MED13L: variants seen among roughly 807,000 people sequenced by gnomAD.
The protein encoded by MED13L is mediator complex subunit 13L, also known as mediator of RNA polymerase II transcription subunit 13-like.
Under a neutral mutation model 220.9 loss-of-function variants are expected in MED13L, and 7 were observed. The ratio of observed to expected loss-of-function variants is 0.03; its 90% CI spans 0.02 to 0.06. The LOEUF (loss-of-function observed/expected upper bound fraction) is 0.06, where lower values mean the gene tolerates loss of function less well. MED13L is among the 10% of genes least tolerant of loss of function. MED13L has a pLI of 1.00. For synonymous variants in MED13L, 1,011 were observed against 1,015.2 expected (o/e 1.00, Z 0.08); for missense variants, 1,965 against 2,760.5 (o/e 0.71, Z 6.46).
chr12:116,262,504 G>A (rs35134465), intron 1 of MED13L, among the ~76,000 whole-genome samples: 2,524 of 152,248 alleles, frequency 0.017, 25 homozygotes, highest in Admixed American at 0.027. Context: ...CCTACCATAT[G>A]AGAAAGTTTG....
chr12:116,178,185 T>C (rs932933329), intron 2 of MED13L, among the ~76,000 whole-genome samples: 3 of 152,158 alleles, frequency 2.0e-5, no homozygotes, highest in Non-Finnish European at 2.9e-5. Context: ...CAATTGTTAA[T>C]AGAAGTCACA....
In MED13L at chr12:116,181,486, C is replaced by A. The variant is rs1424404300; in HGVS notation, c.310+55982G>T. Reference sequence around the variant, plus strand: ...CTCTTTACTATCATCTCAATTATTTCTTTAAGGTGAATCAAAGTTTGTTTT... The same window carrying A: ...CTCTTTACTATCATCTCAATTATTTATTTAAGGTGAATCAAAGTTTGTTTT... On this transcript the variant is annotated intron_variant, in intron 2 of 30. Coordinates refer to ENST00000281928, the MANE Select transcript of MED13L (RefSeq NM_015335.5). Among the ~76,000 whole-genome samples, 3 of 152,086 alleles carry A rather than the reference C, an allele frequency of 2.0e-5. No individual in the cohort carries two copies. In the East Asian group the frequency reaches 5.8e-4, roughly 29 times the overall value.
intron 2 of MED13L, among the ~76,000 whole-genome samples, chr12:116,118,868 T>G (rs1410385017): frequency 6.6e-6 from 1 of 152,234 alleles, no homozygotes; most frequent in Non-Finnish European, 1.5e-5. Flanking sequence ...AAAAATTATT[T>G]TGAAACTTTG....
chr12:115,996,892 A>C, intron 15 of MED13L, 118 bp downstream of exon 15: 2 of 1,195,680 alleles, frequency 1.7e-6, no homozygotes, highest in Non-Finnish European at 2.5e-6. Context: ...TTCTAATTAA[A>C]AGGATTCTTA....
chr12:115,981,244 A>T (rs1294117314), intron 22 of MED13L, among the ~76,000 whole-genome samples: 1 of 152,174 alleles, frequency 6.6e-6, no homozygotes, highest in African/African-American at 2.4e-5. Context: ...TATTACAGGT[A>T]TTACCATGGC....
chr12:116,151,095 T>C (rs1460981354), intron 2 of MED13L, among the ~76,000 whole-genome samples: 1 of 151,904 alleles, frequency 6.6e-6, no homozygotes, highest in Non-Finnish European at 1.5e-5. Context: ...GACCAGAAGA[T>C]TAAGAGGGGG....
intron 28 of MED13L, among the ~76,000 whole-genome samples, chr12:115,967,170 CAAAAAAAAAA>C (rs34377158): frequency 3.8e-4 from 17 of 45,246 alleles, no homozygotes; most frequent in African/African-American, 5.6e-4. Flanking sequence ...GACTCTGTCT[CAAAAAAAAAA>C]AAAAAAAAAA....
chr12:115,997,653 C>A (rs1333089677), intron 14 of MED13L, among the ~76,000 whole-genome samples: 1 of 152,226 alleles, frequency 6.6e-6, no homozygotes, highest in Non-Finnish European at 1.5e-5. Context: ...AACTCCTGGG[C>A]TCAAGTGGCC....
intron 2 of MED13L, among the ~76,000 whole-genome samples, chr12:116,182,593 A>G (rs1880607074): frequency 6.6e-6 from 1 of 152,160 alleles, no homozygotes; most frequent in South Asian, 2.1e-4. Context: ...CAGCTTACTG[A>G]AGAACACTGC....
chr12:116,228,210 T>G (rs1469364907), intron 2 of MED13L, among the ~76,000 whole-genome samples: 12 of 152,160 alleles, frequency 7.9e-5, no homozygotes. Flanking sequence ...CTCCCTTACA[T>G]AAAGACACAA....
intron 4 of MED13L, among the ~76,000 whole-genome samples, chr12:116,079,356 C>A (rs1344293991): frequency 6.6e-6 from 1 of 151,890 alleles, no homozygotes; most frequent in East Asian, 1.9e-4. Context: ...GTAGCTGGGA[C>A]TACAGGTACA....
At chr12:116,169,061 G>A (rs992431378) in intron 2 of MED13L, 4 of 152,432 alleles carry the variant, frequency 2.6e-5, no homozygotes, top group South Asian at 4.1e-4. Flanking sequence ...AAAGCTCGTC[G>A]TCTCAAGTCC....
intron 2 of MED13L, among the ~76,000 whole-genome samples, chr12:116,225,874 C>T (rs1868933192): frequency 6.6e-6 from 1 of 151,934 alleles, no homozygotes; most frequent in African/African-American, 2.4e-5. Context: ...TCTTACTTCC[C>T]CCACGTGCTA....
rs577772029 is a variant in MED13L, at chr12:116,013,147, C to T, written c.1176-246G>A. 4.7e-4 allele frequency among the ~76,000 whole-genome samples: 72 copies of T among 152,176 alleles called. 2 individuals carry two copies. Among genetic ancestry groups the T allele is most frequent in the Non-Finnish European group, 8.8e-5 (6 of 68,018 alleles). On this transcript the variant is annotated intron_variant, in intron 8 of 30. Transcript: ENST00000281928. ...CAGCATTTTGGGAGGCTAAGGTGGG[C>T]GGATTGCTTGAGTCCAGGAGTTTGA... is the stretch of plus-strand genomic sequence containing the variant.
At chr12:115,986,992 C>T in intron 18 of MED13L, 117 bp downstream of exon 18, 1 of 1,072,726 alleles carries the variant, frequency 9.3e-7, no homozygotes, top group Non-Finnish European at 1.4e-6. Flanking sequence ...ACTAAATGGT[C>T]AAAGAAAAAG....
chr12:116,111,752 A>G (rs576280134), intron 2 of MED13L, among the ~76,000 whole-genome samples: 87 of 152,162 alleles, frequency 5.7e-4, no homozygotes, highest in African/African-American at 1.9e-3. Context: ...ATGGTGTAAC[A>G]CTCCTCCCAT....
chr12:116,041,051 G>A (rs1316145593), intron 4 of MED13L, among the ~76,000 whole-genome samples: 1 of 152,086 alleles, frequency 6.6e-6, no homozygotes, highest in South Asian at 2.1e-4. Flanking sequence ...ACAGGCTGGG[G>A]CAGAAAATGC....
chr12:116,264,469 T>TA (rs1472969672), intron 1 of MED13L, among the ~76,000 whole-genome samples: 2 of 152,216 alleles, frequency 1.3e-5, no homozygotes, highest in African/African-American at 2.4e-5. Flanking sequence ...CTAAAATTTT[T>TA]AAAAATTGAT....
chr12:116,050,142 T>C (rs1031384079), intron 4 of MED13L, among the ~76,000 whole-genome samples: 59 of 152,202 alleles, frequency 3.9e-4, no homozygotes, highest in African/African-American at 1.3e-3. Context: ...TAGATTGTTC[T>C]AGGGTGCGAC....
Sources: allele counts gnomAD v4.1 joint callset (sites outside exome capture counted in the v4.1 genomes callset), GRCh38; gene constraint gnomAD v4.1.1; transcripts MANE v1.5; gene names NCBI Gene and HGNC (gene_info 2026-07-23, HGNC 2026-07-21).